The following PPP2R2B variants were observed in gnomAD, a reference collection of about 807,000 sequenced individuals.
The protein encoded by PPP2R2B is serine/threonine-protein phosphatase 2A 55 kDa regulatory subunit B beta isoform.
A neutral mutation model predicts 46.0 loss-of-function variants in PPP2R2B; 5 were observed. The ratio of observed to expected loss-of-function variants is 0.11; its 90% CI spans 0.06 to 0.23. The LOEUF is 0.23. Ranked by LOEUF, PPP2R2B falls within the 10% of genes least tolerant of loss-of-function variation. The probability of loss-of-function intolerance (pLI) is 1.00; values close to 1 mark genes in which losing one functional copy is unlikely to be tolerated. For synonymous variants in PPP2R2B, 215 were observed against 206.7 expected, an observed-to-expected ratio of 1.04 and a Z score of -0.34; for missense variants, 367 against 575.0, an observed-to-expected ratio of 0.64 and a Z score of 3.70.
chr5:146,590,398 G>GTTTTTTTTTTTTTTTTTTTTT (rs1221281341), intron 9 of PPP2R2B, among the ~76,000 whole-genome samples, 172 bp from the exon 10 acceptor site: 4 of 113,412 alleles, frequency 3.5e-5, no homozygotes, highest in Non-Finnish European at 5.6e-5. Flanking sequence ...TTTTTTTTGT[G>GTTTTTTTTTTTTTTTTTTTTT]TTTTTTTTTT....
intron 6 of PPP2R2B, among the ~76,000 whole-genome samples, chr5:146,639,563 T>C (rs1232630456): frequency 4.6e-5 from 7 of 152,122 alleles, no homozygotes; most frequent in Non-Finnish European, 1.0e-4. Context: ...CGAGGTACTG[T>C]CTGAGGACCC....
intron 1 of PPP2R2B, among the ~76,000 whole-genome samples, chr5:146,942,091 C>T (rs1357248457): frequency 6.6e-6 from 1 of 152,276 alleles, no homozygotes; most frequent in East Asian, 1.9e-4. Context: ...AGGGCCCACT[C>T]TAATTCAGAA....
chr5:147,031,747 T>C (rs1228120177), intron 1 of PPP2R2B, among the ~76,000 whole-genome samples: 1 of 152,160 alleles, frequency 6.6e-6, no homozygotes, highest in African/African-American at 2.4e-5. Flanking sequence ...ACTCAAATAC[T>C]TACAGTCAAC....
intron 2 of PPP2R2B, among the ~76,000 whole-genome samples, chr5:147,064,874 C>A (rs1477055438): frequency 6.6e-6 from 1 of 152,192 alleles, no homozygotes; most frequent in East Asian, 1.9e-4. Flanking sequence ...TTGAACTTAG[C>A]AGTAAGAAAT....
chr5:146,600,974 C>G (rs1333085324), intron 7 of PPP2R2B, among the ~76,000 whole-genome samples: 10 of 152,150 alleles, frequency 6.6e-5, no homozygotes, highest in Non-Finnish European at 1.2e-4. Flanking sequence ...TCCTATAGTA[C>G]TAGGTAAACA....
At chr5:146,636,055 T>A (rs1774799347) in intron 7 of PPP2R2B, among the ~76,000 whole-genome samples, 1 of 152,198 alleles carries the variant, frequency 6.6e-6, no homozygotes, top group Non-Finnish European at 1.5e-5. Context: ...TTGATCTAGG[T>A]TCCAAATTAT....
chr5:146,894,663 C>T (rs1370863304), intron 1 of PPP2R2B, among the ~76,000 whole-genome samples: 1 of 152,184 alleles, frequency 6.6e-6, no homozygotes, highest in Non-Finnish European at 1.5e-5. Flanking sequence ...TGGTCTTAAA[C>T]TCCAGGGCTC....
chr5:146,878,284 C>A lies in PPP2R2B; in HGVS notation c.-124-89G>T. 1 of 1,459,884 alleles carries A rather than the reference C, an allele frequency of 6.8e-7. No homozygotes were observed. The allele number at this position is 1,459,884 out of a possible 1,614,324, so 90.4% of individuals were successfully genotyped here. A position where few individuals can be genotyped will look rare whatever the true frequency, so the allele number is the denominator to read the frequency against. On this transcript the variant is annotated intron_variant, in intron 1 of 9. Transcript: ENST00000394411. This position sits in a 1 kb window ranked among gnomAD's most constrained non-coding sequence, Gnocchi z 4.5. Reference sequence around the variant, plus strand: ...CCTCCACTCGGGTTCTGCGAGGCTGCGGCGGCTCCTCCCGCGCGGTGCGCT... The same window carrying A: ...CCTCCACTCGGGTTCTGCGAGGCTGAGGCGGCTCCTCCCGCGCGGTGCGCT...
At chr5:146,687,820 A>G (rs1364507738) in intron 5 of PPP2R2B, among the ~76,000 whole-genome samples, 1 of 152,186 alleles carries the variant, frequency 6.6e-6, no homozygotes, top group African/African-American at 2.4e-5. Context: ...TTCATTACAC[A>G]GTAAGGATTA....
intron 1 of PPP2R2B, among the ~76,000 whole-genome samples, chr5:146,945,277 C>T (rs1283442064): frequency 6.6e-6 from 1 of 152,128 alleles, no homozygotes; most frequent in African/African-American, 2.4e-5. Context: ...AAATTTAAGT[C>T]CACTTTTCAT....
chr5:146,870,735 C>T (rs1427619734), intron 2 of PPP2R2B, among the ~76,000 whole-genome samples: 1 of 152,194 alleles, frequency 6.6e-6, no homozygotes, highest in Admixed American at 6.5e-5. Context: ...ATAAGGGCCC[C>T]TCTAGATTCC....
At chr5:146,994,809 C>G (rs1489081150) in intron 1 of PPP2R2B, among the ~76,000 whole-genome samples, 1 of 152,168 alleles carries the variant, frequency 6.6e-6, no homozygotes. Flanking sequence ...CAGCACTGTG[C>G]CAACTGCAAG....
intron 7 of PPP2R2B, among the ~76,000 whole-genome samples, chr5:146,608,238 C>A (rs11954559): frequency 0.1 from 15,876 of 151,976 alleles, 1,456 homozygotes; most frequent in East Asian, 0.24. Context: ...ACTGGTAGCA[C>A]CATGAGATCA....
intron 8 of PPP2R2B, among the ~76,000 whole-genome samples, chr5:146,594,532 A>C (rs906027615): frequency 9.2e-5 from 14 of 152,220 alleles, no homozygotes; most frequent in African/African-American, 3.1e-4. Context: ...GCTTGTCATT[A>C]TTAGCCAGGT....
At position 147,074,191 on chromosome 5, in the gene PPP2R2B, A is replaced by G. The variant is rs79358570; in HGVS notation, c.50+6868T>C. On this transcript the variant is annotated intron_variant, in intron 2 of 10. Coordinates refer to the PPP2R2B transcript ENST00000394413. ...GGATTCATATGCACAATAAGGTTGG[A>G]AAATTATTCAGTATCCTGCCTAAGG... Among the ~76,000 whole-genome samples, 604 of 152,300 alleles carry G rather than the reference A, an allele frequency of 4.0e-3. 15 individuals carry two copies. In the East Asian group the frequency reaches 0.062, roughly 16 times the overall value.
intron 1 of PPP2R2B, among the ~76,000 whole-genome samples, chr5:146,994,899 TAG>T (rs1464131062): frequency 1.3e-5 from 2 of 152,142 alleles, no homozygotes; most frequent in Non-Finnish European, 2.9e-5. Context: ...AAAAAGTATA[TAG>T]GCAATTACAA....
chr5:146,855,465 T>C (rs920155906), intron 2 of PPP2R2B, among the ~76,000 whole-genome samples: 2 of 152,188 alleles, frequency 1.3e-5, no homozygotes, highest in African/African-American at 2.4e-5. Flanking sequence ...CAAACATATA[T>C]GCATACAGAC....
At chr5:146,774,812 G>T (rs1402997397) in intron 2 of PPP2R2B, among the ~76,000 whole-genome samples, 4 of 141,470 alleles carry the variant, frequency 2.8e-5, no homozygotes, top group Admixed American at 1.5e-4. Context: ...GCAAGACTCT[G>T]TCTCAAAAAA....
intron 2 of PPP2R2B, among the ~76,000 whole-genome samples, chr5:146,729,073 C>T (rs1252071283): frequency 1.3e-5 from 2 of 152,132 alleles, no homozygotes; most frequent in Admixed American, 1.3e-4. Flanking sequence ...TTGGAACTTC[C>T]TAGAGACTTG....
Sources: allele counts gnomAD v4.1 joint callset (sites outside exome capture counted in the v4.1 genomes callset), GRCh38; gene constraint gnomAD v4.1.1; non-coding constraint Gnocchi (gnomAD v3.1); transcripts MANE v1.5; gene names NCBI Gene and HGNC (gene_info 2026-07-23, HGNC 2026-07-21).